The following COLEC12 variants were observed in gnomAD, a reference collection of about 807,000 sequenced individuals.
The protein encoded by COLEC12 is collectin subfamily member 12, also known as collectin-12.
COLEC12 carries 33 observed loss-of-function variants against 71.1 expected under a neutral mutation model. The ratio of observed to expected loss-of-function variants is 0.46; its 90% CI spans 0.35 to 0.62. COLEC12 has a LOEUF of 0.62. Ranked by LOEUF, COLEC12 falls within the 20% of genes least tolerant of loss-of-function variation. The pLI, the probability that COLEC12 is intolerant of heterozygous loss-of-function variation, is 0.00. For missense variants in COLEC12, 765 were observed against 916.1 expected (o/e 0.84, Z 2.13); for synonymous variants, 350 against 353.0 (o/e 0.99, Z 0.10).
At chr18:470,980 G>A (rs534561060) in intron 2 of COLEC12, among the ~76,000 whole-genome samples, 1 of 135,382 alleles carries the variant, frequency 7.4e-6, no homozygotes, top group East Asian at 2.8e-4. Context: ...CAGGCCTTGG[G>A]AATAAGAATG....
intron 2 of COLEC12, among the ~76,000 whole-genome samples, chr18:383,464 T>C (rs1726278021): frequency 1.3e-5 from 2 of 152,094 alleles, no homozygotes; most frequent in African/African-American, 2.4e-5. Flanking sequence ...AATACAATAA[T>C]ACCTGCCAGA....
chr18:369,160 T>C (rs1371974081), intron 2 of COLEC12, among the ~76,000 whole-genome samples: 1 of 152,154 alleles, frequency 6.6e-6, no homozygotes, highest in Non-Finnish European at 1.5e-5. Context: ...CCCTTACCAT[T>C]TGCCAGCCTA....
Position 346,177 on chromosome 18 carries a change from G to A in COLEC12, c.1327+118C>T. Reference sequence around the variant, plus strand: ...CTAGCTAAGCTGCTCTTGAATTCCTGGTCCACAAAAACTATGAGATGATGA... The same window carrying A: ...CTAGCTAAGCTGCTCTTGAATTCCTAGTCCACAAAAACTATGAGATGATGA... On this transcript the variant is annotated intron_variant, in intron 5 of 9. Transcript: ENST00000400256. This position sits in a 1 kb window ranked among gnomAD's most constrained non-coding sequence, Gnocchi z 4.0. 1.3e-6 allele frequency: 1 copy of A among 748,130 alleles called. No individual in the cohort carries two copies. The highest frequency in any genetic ancestry group is 2.1e-6 in the Non-Finnish European group (1 of 466,768). 46.3% of individuals were successfully genotyped at this position (748,130 alleles called of 1,614,324 possible).
chr18:332,901 G>T, intron 7 of COLEC12, 106 bp downstream of exon 7: 1 of 1,026,752 alleles, frequency 9.7e-7, no homozygotes, highest in Non-Finnish European at 1.4e-6. Flanking sequence ...ATGTTTACGT[G>T]ACTAGGAATT....
rs547410733 is a variant in COLEC12, at chr18:444,043, G to A, written c.58+36664C>T. The stretch of plus-strand genomic sequence containing the variant: ...TCGGTGCCATGCTTCCTGTACAGCC[G>A]GTACAACCATGAGCCAATTAAACCT... On this transcript the variant is annotated intron_variant, in intron 2 of 9. Transcript: ENST00000400256. 5.9e-5 allele frequency among the ~76,000 whole-genome samples: 9 copies of A among 152,092 alleles called. No individual in the cohort carries two copies. In the South Asian group the frequency reaches 1.2e-3, roughly 21 times the overall value.
intron 2 of COLEC12, among the ~76,000 whole-genome samples, chr18:386,758 C>T (rs1301538368): frequency 2.0e-5 from 3 of 152,196 alleles, no homozygotes; most frequent in South Asian, 2.1e-4. Context: ...TTCTCACTTA[C>T]GGAAACTAAG....
chr18:498,443 T>C (rs1288725338), intron 1 of COLEC12, among the ~76,000 whole-genome samples: 1 of 149,652 alleles, frequency 6.7e-6, no homozygotes, highest in Non-Finnish European at 1.5e-5. Flanking sequence ...CACTGCAACC[T>C]CCATCTCCTG....
chr18:479,157 T>A (rs1917360970), intron 2 of COLEC12, among the ~76,000 whole-genome samples: 1 of 152,190 alleles, frequency 6.6e-6, no homozygotes, highest in African/African-American at 2.4e-5. Flanking sequence ...TTTTCCTTTA[T>A]AATTCTTGGT....
At chr18:464,832 C>T (rs1011871196) in intron 2 of COLEC12, among the ~76,000 whole-genome samples, 4 of 152,220 alleles carry the variant, frequency 2.6e-5, no homozygotes, top group Admixed American at 2.6e-4. Flanking sequence ...ATGAAAAGAA[C>T]TCATTCCTTA....
At position 480,745 on chromosome 18, in the gene COLEC12, TC is replaced by T; in HGVS notation, c.19del (p.Glu7ArgfsTer30). 1 of 1,614,032 alleles carries T rather than the reference TC, an allele frequency of 6.2e-7. No individual in the cohort carries two copies. The highest frequency in any genetic ancestry group is 8.5e-7 in the Non-Finnish European group (1 of 1,179,942). ...ACCGAAGGATTGCACCTCCTCCTCCTCTGCGAAGTCGTCTGTGAGAGAAGAA... is the reference window on the plus strand; with the variant it reads ...ACCGAAGGATTGCACCTCCTCCTCCTTGCGAAGTCGTCTGTGAGAGAAGAA... MKDDFA[E>X]EEEVQSFGYK... On this transcript the variant is annotated frameshift_variant, in exon 2 of 10. Coordinates refer to ENST00000400256, the MANE Select transcript of COLEC12 (RefSeq NM_130386.3). LOFTEE classifies it high-confidence loss of function. The surrounding 1 kb of genome is among the most constrained non-coding windows in gnomAD (Gnocchi z 4.1).
chr18:352,107 TAGAC>T (rs1409176817), intron 3 of COLEC12, among the ~76,000 whole-genome samples: 14 of 152,248 alleles, frequency 9.2e-5, no homozygotes, highest in Admixed American at 6.5e-5. Context: ...AATTACTACA[TAGAC>T]AGAGAGATGC....
intron 2 of COLEC12, among the ~76,000 whole-genome samples, chr18:405,639 C>T (rs1045138795): frequency 6.6e-6 from 1 of 152,188 alleles, no homozygotes; most frequent in African/African-American, 2.4e-5. Context: ...GCTGCTCCAA[C>T]ACAGGTATTT....
At chr18:385,500 T>C (rs1215210154) in intron 2 of COLEC12, among the ~76,000 whole-genome samples, 1 of 151,922 alleles carries the variant, frequency 6.6e-6, no homozygotes, top group Non-Finnish European at 1.5e-5. Flanking sequence ...AATTTTTGTA[T>C]TTTTAGTAGA....
chr18:420,481 G>A (rs1268557874), intron 2 of COLEC12, among the ~76,000 whole-genome samples: 1 of 152,088 alleles, frequency 6.6e-6, no homozygotes, highest in Non-Finnish European at 1.5e-5. Context: ...AATGCCTTCT[G>A]TATAAATACA....
intron 2 of COLEC12, among the ~76,000 whole-genome samples, chr18:456,186 G>A (rs891828630): frequency 4.6e-5 from 7 of 152,168 alleles, no homozygotes; most frequent in African/African-American, 1.7e-4. Flanking sequence ...CCTTTATCCT[G>A]TCTCACAGAG....
At chr18:335,640 C>T (rs1172080943) in intron 5 of COLEC12, among the ~76,000 whole-genome samples, 3 of 152,150 alleles carry the variant, frequency 2.0e-5, no homozygotes, top group Non-Finnish European at 2.9e-5. Flanking sequence ...AGGGAGGCCT[C>T]GGAGGAAACA....
At chr18:404,080 T>C (rs1915739390) in intron 2 of COLEC12, among the ~76,000 whole-genome samples, 1 of 152,248 alleles carries the variant, frequency 6.6e-6, no homozygotes, top group Admixed American at 6.5e-5. Context: ...CTGATGCCAT[T>C]ATCTTCACAC....
At chr18:363,190 T>C (rs1213921049) in intron 2 of COLEC12, among the ~76,000 whole-genome samples, 2 of 152,190 alleles carry the variant, frequency 1.3e-5, no homozygotes, top group East Asian at 1.9e-4. Context: ...CCAAGTGCTG[T>C]GGTCCAGTCT....
At chr18:473,259 C>T (rs947317742) in intron 2 of COLEC12, among the ~76,000 whole-genome samples, 4 of 152,188 alleles carry the variant, frequency 2.6e-5, no homozygotes, top group Non-Finnish European at 5.9e-5. Flanking sequence ...AAAAGAATCA[C>T]TCCAGTTCAC....
Sources: allele counts gnomAD v4.1 joint callset (sites outside exome capture counted in the v4.1 genomes callset), GRCh38; gene constraint gnomAD v4.1.1; non-coding constraint Gnocchi (gnomAD v3.1); transcripts MANE v1.5; gene names NCBI Gene and HGNC (gene_info 2026-07-23, HGNC 2026-07-21).